CDK14: variants seen among roughly 807,000 people sequenced by gnomAD.
CDK14 encodes cyclin dependent kinase 14.
CDK14 carries 34 observed loss-of-function variants against 60.7 expected under a neutral mutation model. The observed-to-expected ratio is 0.56, with a 90% CI of 0.43 to 0.75. The LOEUF (loss-of-function observed/expected upper bound fraction) is 0.75, where lower values mean the gene tolerates loss of function less well. CDK14 is among the 30% of genes least tolerant of loss of function. The pLI is 0.00. For missense variants in CDK14, 482 were observed against 564.1 expected (o/e 0.85, Z 1.47); for synonymous variants, 197 against 203.7 (o/e 0.97, Z 0.28).
rs1029565743 is a variant in CDK14, at chr7:91,127,680, AAGG to A, written c.*28+9475_*28+9477del. Among the ~76,000 whole-genome samples the A allele has an allele frequency of 1.9e-3, 288 of 152,196 alleles. 1 individual carries two copies. Among genetic ancestry groups the A allele is most frequent in the African/African-American group, 6.5e-3 (272 of 41,528 alleles). On this transcript the variant is annotated intron_variant, in intron 14 of 14. Coordinates refer to ENST00000380050, the MANE Select transcript of CDK14 (RefSeq NM_001287135.2). ...TAAAATTTTAACTTCTTTTTTTTTA[AAGG>A]AGAAGTTCTCCCATTTCATTGCTGC...
chr7:90,777,829 C>T (rs1382535941), intron 4 of CDK14, among the ~76,000 whole-genome samples: 2 of 152,236 alleles, frequency 1.3e-5, no homozygotes, highest in African/African-American at 4.8e-5. Context: ...ACTCCCTGAT[C>T]ATCCACTATG....
intron 6 of CDK14, among the ~76,000 whole-genome samples, chr7:90,881,652 GAAATGAAGTAAAAATTGTT>G (rs1410602826): frequency 6.6e-6 from 1 of 152,168 alleles, no homozygotes; most frequent in Non-Finnish European, 1.5e-5. Context: ...CTTCAAGGTA[GAAATGAAGTAAAAATTGTT>G]AAGGGCAGCC....
Position 90,639,378 on chromosome 7 carries a change from T to C in CDK14, c.123+35129T>C, listed in dbSNP as rs1202380470. Among the ~76,000 whole-genome samples the C allele has an allele frequency of 4.6e-5, 7 of 151,942 alleles. No individual in the cohort carries two copies. The East Asian group carries it at 1.4e-3, about 30-fold the overall frequency. ...ACCCTCAGCTGCAGGTCTGTTGGAG[T>C]TTGCTAGAGGTCCACTCCAGACCCT... On this transcript the variant is annotated intron_variant, in intron 2 of 14. Coordinates refer to ENST00000380050, the MANE Select transcript of CDK14 (RefSeq NM_001287135.2).
chr7:90,921,235 A>G (rs1476151343), intron 8 of CDK14, among the ~76,000 whole-genome samples: 9 of 152,026 alleles, frequency 5.9e-5, no homozygotes, highest in Non-Finnish European at 1.3e-4. Context: ...CCAAATCCCA[A>G]ACTTCTTTCC....
At chr7:91,179,384 C>T (rs1424729819) in intron 14 of CDK14, among the ~76,000 whole-genome samples, 7 of 149,458 alleles carry the variant, frequency 4.7e-5, no homozygotes, top group African/African-American at 7.4e-5. Context: ...GGGATAGCAT[C>T]GGGAGATATA....
At chr7:90,760,254 A>C (rs1189572759) in intron 4 of CDK14, among the ~76,000 whole-genome samples, 1 of 152,240 alleles carries the variant, frequency 6.6e-6, no homozygotes, top group African/African-American at 2.4e-5. Context: ...GCAAGAAGAA[A>C]GGCAGCAGCA....
At chr7:90,962,272 A>C (rs1424432035) in intron 9 of CDK14, among the ~76,000 whole-genome samples, 1 of 152,176 alleles carries the variant, frequency 6.6e-6, no homozygotes, top group East Asian at 1.9e-4. Flanking sequence ...GGATCACCTG[A>C]GGGCAGGAGT....
chr7:90,951,215 C>G (rs1490719016), intron 8 of CDK14, among the ~76,000 whole-genome samples: 3 of 152,200 alleles, frequency 2.0e-5, no homozygotes, highest in Admixed American at 2.0e-4. Context: ...GATAAAGGAA[C>G]CTTTCTCCTA....
intron 6 of CDK14, among the ~76,000 whole-genome samples, chr7:90,872,910 A>C (rs1209007015): frequency 6.6e-6 from 1 of 152,146 alleles, no homozygotes; most frequent in African/African-American, 2.4e-5. Flanking sequence ...TAATATTTTA[A>C]TTCTTGTTCC....
At chr7:90,983,572 C>T (rs948587137) in intron 9 of CDK14, among the ~76,000 whole-genome samples, 7 of 151,082 alleles carry the variant, frequency 4.6e-5, no homozygotes, top group Middle Eastern at 3.2e-3. Context: ...CCCAGCTACT[C>T]GGGAGGCTGA....
At chr7:91,038,074 T>C (rs1584255630) in intron 10 of CDK14, among the ~76,000 whole-genome samples, 1 of 152,212 alleles carries the variant, frequency 6.6e-6, no homozygotes, top group Non-Finnish European at 1.5e-5. Context: ...CTGCCTTCTT[T>C]CTCCCCAGCC....
chr7:91,074,609 C>G (rs1196129563), intron 11 of CDK14, among the ~76,000 whole-genome samples: 1 of 152,036 alleles, frequency 6.6e-6, no homozygotes, highest in African/African-American at 2.4e-5. Context: ...CAAGAGCAAA[C>G]AAATCCTAAA....
At chr7:91,058,040 A>G (rs1419277322) in intron 11 of CDK14, among the ~76,000 whole-genome samples, 1 of 152,048 alleles carries the variant, frequency 6.6e-6, no homozygotes, top group Non-Finnish European at 1.5e-5. Context: ...ACCCATGAGC[A>G]TGGAATGTTC....
At chr7:90,706,209 C>G (rs1028270120) in intron 2 of CDK14, among the ~76,000 whole-genome samples, 1 of 152,138 alleles carries the variant, frequency 6.6e-6, no homozygotes, top group Non-Finnish European at 1.5e-5. Context: ...ATTCTTAACA[C>G]CATAGATTGT....
At chr7:90,958,103 G>A (rs1290802419) in intron 9 of CDK14, among the ~76,000 whole-genome samples, 1 of 151,996 alleles carries the variant, frequency 6.6e-6, no homozygotes, top group Non-Finnish European at 1.5e-5. Context: ...CCGTAATCTT[G>A]GCTTTTCATA....
chr7:90,667,646 T>C (rs1305716373), intron 2 of CDK14, among the ~76,000 whole-genome samples: 1 of 152,004 alleles, frequency 6.6e-6, no homozygotes, highest in Non-Finnish European at 1.5e-5. Flanking sequence ...CTCTGCTCAC[T>C]GCAAGCTCTG....
At chr7:90,624,679 A>G (rs971700690) in intron 2 of CDK14, among the ~76,000 whole-genome samples, 1 of 152,338 alleles carries the variant, frequency 6.6e-6, no homozygotes, top group Non-Finnish European at 1.5e-5. Flanking sequence ...GAAGCTGCTT[A>G]TGAGAAGGAT....
chr7:90,875,688 T>C (rs1236205045), intron 6 of CDK14, among the ~76,000 whole-genome samples: 2 of 152,066 alleles, frequency 1.3e-5, no homozygotes, highest in African/African-American at 4.8e-5. Context: ...CCTTTCTCTA[T>C]TTTTAGATAT....
intron 2 of CDK14, among the ~76,000 whole-genome samples, chr7:90,618,509 A>G (rs552575314): frequency 2.4e-4 from 37 of 152,136 alleles, no homozygotes; most frequent in Middle Eastern, 3.4e-3. Context: ...GCCTTTCATG[A>G]CCCAGGTGCT....
Sources: allele counts gnomAD v4.1 joint callset (sites outside exome capture counted in the v4.1 genomes callset), GRCh38; gene constraint gnomAD v4.1.1; transcripts MANE v1.5; gene names NCBI Gene and HGNC (gene_info 2026-07-23, HGNC 2026-07-21).